The following SARDH variants were observed in gnomAD, a reference collection of about 807,000 sequenced individuals.
The protein encoded by SARDH is sarcosine dehydrogenase, mitochondrial.
SARDH carries 95 observed loss-of-function variants against 109.1 expected under a neutral mutation model. That is an observed-to-expected ratio of 0.87 (90% CI 0.74 to 1.03). The LOEUF is 1.03. Among genes scored for constraint, SARDH ranks in the 50% least tolerant of loss-of-function variants. SARDH has a pLI of 0.00. For synonymous variants in SARDH, 572 were observed against 534.8 expected (o/e 1.07, Z -0.96); for missense variants, 1,267 against 1,287.8 (o/e 0.98, Z 0.25).
chr9:133,681,919 C>T (rs915908360), intron 17 of SARDH, among the ~76,000 whole-genome samples: 6 of 152,022 alleles, frequency 3.9e-5, no homozygotes, highest in African/African-American at 1.5e-4. Flanking sequence ...CCCTCCCCCC[C>T]ATCCCACACG....
intron 1 of SARDH, among the ~76,000 whole-genome samples, chr9:133,738,046 T>C (rs901358988): frequency 1.3e-5 from 2 of 152,006 alleles, no homozygotes; most frequent in Non-Finnish European, 2.9e-5. Flanking sequence ...CACCTTCGCC[T>C]GGTGAGGGTA....
At chr9:133,696,142 G>A in intron 14 of SARDH, 81 bp downstream of exon 14, 1 of 1,566,098 alleles carries the variant, frequency 6.4e-7, no homozygotes. Flanking sequence ...AGGGGACAGG[G>A]TGGCTTGCCA....
At chr9:133,694,158 G>T in intron 15 of SARDH, 100 bp downstream of exon 15, 1 of 841,658 alleles carries the variant, frequency 1.2e-6, no homozygotes, top group Non-Finnish European at 1.8e-6. Context: ...TGACAGAGCT[G>T]CCGTCAGCAG....
At chr9:133,711,599 G>A (rs555468308) in intron 10 of SARDH, among the ~76,000 whole-genome samples, 1 of 152,286 alleles carries the variant, frequency 6.6e-6, no homozygotes, top group Admixed American at 6.5e-5. Context: ...TCTCCGTGGG[G>A]TCAGACATTC....
intron 16 of SARDH, among the ~76,000 whole-genome samples, chr9:133,688,008 G>T (rs1830946533): frequency 6.6e-6 from 1 of 152,122 alleles, no homozygotes; most frequent in African/African-American, 2.4e-5. Context: ...CCCCCGGGCC[G>T]CACCTTGATC....
At chr9:133,725,748 C>G (rs1832468788) in intron 6 of SARDH, 1 of 228,882 alleles carries the variant, frequency 4.4e-6, no homozygotes, top group African/African-American at 2.3e-5. Context: ...AGAGGAACCA[C>G]TGATTTAACC....
chr9:133,694,393 C>G (rs1311202394), intron 14 of SARDH, 22 bp from the exon 15 acceptor site: 1 of 1,539,488 alleles, frequency 6.5e-7, no homozygotes, highest in African/African-American at 1.4e-5. Flanking sequence ...AGAAGGAAGC[C>G]GGGTCTGTGC....
At position 133,679,182 on chromosome 9, in the gene SARDH, C is replaced by T. The variant is rs540863760; in HGVS notation, c.2163+6011G>A. Reference sequence around the variant, plus strand: ...ACAGGGAACACGGTGCCCCAGCCTGCGGCCACCAGTCTCTCTGTGCTGCAT... The same window carrying T: ...ACAGGGAACACGGTGCCCCAGCCTGTGGCCACCAGTCTCTCTGTGCTGCAT... On this transcript the variant is annotated intron_variant, in intron 17 of 20. Transcript: ENST00000439388. 1.3e-3 allele frequency among the ~76,000 whole-genome samples: 200 copies of T among 152,344 alleles called. 1 individual carries two copies. In the Middle Eastern group the frequency reaches 0.017, roughly 13 times the overall value.
Position 133,731,292 on chromosome 9 carries a change from C to T in SARDH, c.690+13G>A, listed in dbSNP as rs199704886. On this transcript the variant is annotated intron_variant, in intron 4 of 20. Transcript: ENST00000439388. Reference sequence around the variant, plus strand: ...TGGGAACAGGGGACCCAGAGCCAGGCGGCCATCAGTACCTGTGCTCCTCGG... The same window carrying T: ...TGGGAACAGGGGACCCAGAGCCAGGTGGCCATCAGTACCTGTGCTCCTCGG... 3.1e-6 allele frequency: 5 copies of T among 1,612,942 alleles called. No individual in the cohort carries two copies. The highest frequency in any genetic ancestry group is 2.2e-5 in the East Asian group (1 of 44,860).
chr9:133,694,456 G>A, intron 14 of SARDH, 85 bp from the exon 15 acceptor site: 1 of 1,110,098 alleles, frequency 9.0e-7, no homozygotes, highest in Non-Finnish European at 1.3e-6. Context: ...CCGCTCACAG[G>A]GGCAGCTCCT....
rs1461300263 is a variant in SARDH at position 133,712,083 on chromosome 9, C to T, written c.1328+536G>A. Among the ~76,000 whole-genome samples, 2 of 152,216 alleles carry T rather than the reference C, an allele frequency of 1.3e-5. No individual in the cohort carries two copies. Among genetic ancestry groups the T allele is most frequent in the Non-Finnish European group, 2.9e-5 (2 of 68,026 alleles). On this transcript the variant is annotated intron_variant, in intron 10 of 20. Transcript: ENST00000439388. The surrounding 1 kb of genome is among the most constrained non-coding windows in gnomAD (Gnocchi z 4.1). ...ACTTAGCGTTTCCATGTGCAGACCC[C>T]ATGCTGGGTGCCTCACCAGTACAAA... is the stretch of plus-strand genomic sequence containing the variant.
Position 133,666,851 on chromosome 9 carries a change from G to A in SARDH, c.2515C>T (p.Leu839=). Residue 839 remains leucine (L), a synonymous_variant, in exon 20 of 21, where the codon CTG becomes TTG. Coordinates refer to ENST00000439388, the MANE Select transcript of SARDH (RefSeq NM_001134707.2). This position sits in a 1 kb window ranked among gnomAD's most constrained non-coding sequence, Gnocchi z 5.2. Reference sequence around the variant, plus strand: ...TGGCCGTTCCTCCAGATGGCCTCCAGGCCAAACATGGGTACTTTGCTGGAA... The same window carrying A: ...TGGCCGTTCCTCCAGATGGCCTCCAAGCCAAACATGGGTACTTTGCTGGAA... The part of the protein sequence containing the change: ...TMEDKVPMFG[L]EAIWRNGQVV... 6.2e-7 allele frequency: 1 copy of A among 1,612,302 alleles called. No homozygotes were observed. Among genetic ancestry groups the A allele is most frequent in the Non-Finnish European group, 8.5e-7 (1 of 1,179,450 alleles).
At chr9:133,689,731 G>GT (rs1484301909) in intron 16 of SARDH, among the ~76,000 whole-genome samples, 4 of 129,082 alleles carry the variant, frequency 3.1e-5, no homozygotes, top group Non-Finnish European at 5.3e-5. Flanking sequence ...CTTCCTCCCT[G>GT]TCCCCCACCC....
chr9:133,670,739 C>T lies in SARDH; in HGVS notation c.2340G>A (p.Trp780Ter). The change falls in exon 19 of 21, where the codon TGG becomes TGA. Residue 780 changes from tryptophan (W) to a stop codon, truncating the protein, a stop_gained. Coordinates refer to ENST00000439388, the MANE Select transcript of SARDH (RefSeq NM_001134707.2). LOFTEE classifies it high-confidence loss of function. ...SLSIEKGYRHWHADLRPDDSP... is the reference protein window; with the variant it reads ...SLSIEKGYRH ...TGTCGTCTGGCCGCAGGTCCGCGTG[C>T]CAGTGCCGGTAGCCTGTGGGAAGGG... The T allele has an allele frequency of 6.3e-7, 1 of 1,583,224 alleles. No individual in the cohort carries two copies. The highest frequency in any genetic ancestry group is 8.6e-7 in the Non-Finnish European group (1 of 1,166,090).
chr9:133,705,831 C>T (rs118172830), intron 11 of SARDH, among the ~76,000 whole-genome samples: 120 of 152,284 alleles, frequency 7.9e-4, no homozygotes, highest in Non-Finnish European at 1.4e-3. Flanking sequence ...ATGAGGTCAT[C>T]AGGGTGGGTC....
At chr9:133,720,746 A>G (rs1390267503) in intron 6 of SARDH, among the ~76,000 whole-genome samples, 1 of 152,214 alleles carries the variant, frequency 6.6e-6, no homozygotes, top group Non-Finnish European at 1.5e-5. Flanking sequence ...AAACCACCCC[A>G]TGATTCAATT....
rs1399350665 is a variant in SARDH, at chr9:133,712,631, C to T, written c.1316G>A (p.Gly439Asp). The T allele has an allele frequency of 6.2e-7, 1 of 1,609,328 alleles. No individual in the cohort carries two copies. The highest frequency in any genetic ancestry group is 1.3e-5 in the African/African-American group (1 of 74,914). ...AATGGGCACTTACCTGATGTCATAG[C>T]CATGCATGTCCTTCTCCGGGCGCCC... ...IHGRPEKDMH[G>D]YDIRRFHHSL... The change falls in exon 10 of 21, where the codon GGC (glycine) becomes GAC (aspartate). Residue 439 changes from glycine to aspartate, a missense_variant. By Grantham distance (94) the Gly-to-Asp change is moderately conservative (BLOSUM62 -1). Coordinates refer to ENST00000439388, the MANE Select transcript of SARDH (RefSeq NM_001134707.2). The surrounding 1 kb of genome is among the most constrained non-coding windows in gnomAD (Gnocchi z 4.1).
Position 133,704,894 on chromosome 9 carries a change from G to A in SARDH, c.1554+54C>T. ...AAGGACGGGGCACGTGGAGGGGCAA[G>A]GGGGTTGTCAGGGCAGGGCCTCCCA... On this transcript the variant is annotated intron_variant, in intron 12 of 20. Coordinates refer to ENST00000439388, the MANE Select transcript of SARDH (RefSeq NM_001134707.2). The surrounding 1 kb of genome is among the most constrained non-coding windows in gnomAD (Gnocchi z 4.5). 1 of 1,483,270 alleles carries A rather than the reference G, an allele frequency of 6.7e-7. No individual in the cohort carries two copies. The highest frequency in any genetic ancestry group is 2.4e-5 in the East Asian group (1 of 41,024). The allele number at this position is 1,483,270 out of a possible 1,614,324, so 91.9% of individuals were successfully genotyped here.
In SARDH at chr9:133,685,214, T is replaced by C. The variant is rs1210290827; in HGVS notation, c.2142A>G (p.Leu714=). The change falls in exon 17 of 21, where the codon CTA becomes CTG. Residue 714 remains leucine (L), a synonymous_variant. Transcript: ENST00000439388. The stretch of plus-strand genomic sequence containing the variant: ...CTACCAGGTGCCCTGCGGCTCTCAG[T>C]AGCTTGTGGGTGGAGAACGGGAAGG... ...NEAFPFSTHK[L]LRAAGHLVRA... is the part of the protein sequence containing the mutation. 1.2e-6 allele frequency: 2 copies of C among 1,613,850 alleles called. No homozygotes were observed. The highest frequency in any genetic ancestry group is 1.3e-5 in the African/African-American group (1 of 75,006).
Sources: allele counts gnomAD v4.1 joint callset (sites outside exome capture counted in the v4.1 genomes callset), GRCh38; gene constraint gnomAD v4.1.1; non-coding constraint Gnocchi (gnomAD v3.1); transcripts MANE v1.5; gene names NCBI Gene and HGNC (gene_info 2026-07-23, HGNC 2026-07-21).